Variants in COL22A1 observed in about 807,000 individuals in gnomAD.
The protein encoded by COL22A1 is collagen type XXII alpha 1 chain.
Under a neutral mutation model 248.9 loss-of-function variants are expected in COL22A1, and 221 were observed. That is an observed-to-expected ratio of 0.89 (90% CI 0.80 to 0.99). The LOEUF (loss-of-function observed/expected upper bound fraction) is 0.99. Ranked by LOEUF, COL22A1 falls within the 50% of genes least tolerant of loss-of-function variation. COL22A1 has a pLI of 0.00. For missense variants in COL22A1, 2,240 were observed against 2,179.0 expected (o/e 1.03, Z -0.56); for synonymous variants, 891 against 793.4 (o/e 1.12, Z -2.07).
chr8:138,662,050 G>C lies in COL22A1; in HGVS notation c.3220C>G (p.Gln1074Glu). 1.2e-6 allele frequency: 2 copies of C among 1,611,308 alleles called. No individual in the cohort carries two copies. The highest frequency in any genetic ancestry group is 1.1e-5 in the South Asian group (1 of 90,560). The stretch of plus-strand genomic sequence containing the variant: ...CTTACGTCCCGGCCGGCTGGGCCCT[G>C]GGGGCCAGGGAATCCAGGTAAGCCT... ...SRGLPGFPGP[Q>E]GPAGRDGAPG... is the part of the protein sequence containing the mutation. The change falls in exon 43 of 65, where the codon CAG becomes GAG. Residue 1074 changes from glutamine (Q) to glutamate (E), a missense_variant. Transcript: ENST00000303045.
intron 46 of COL22A1, 24 bp from the exon 47 acceptor site, chr8:138,646,706 A>C: frequency 6.5e-7 from 1 of 1,535,904 alleles, no homozygotes; most frequent in South Asian, 1.2e-5. Flanking sequence ...ACAAGAAAAA[A>C]AAAGAAAACA....
chr8:138,850,527 G>GC (rs1253269304), intron 3 of COL22A1, among the ~76,000 whole-genome samples: 3 of 152,168 alleles, frequency 2.0e-5, no homozygotes, highest in African/African-American at 2.4e-5. Context: ...GCACAGCTGG[G>GC]CCCTTCCTGA....
chr8:138,671,877 T>G (rs539935944), intron 41 of COL22A1, among the ~76,000 whole-genome samples: 2 of 152,306 alleles, frequency 1.3e-5, no homozygotes, highest in African/African-American at 4.8e-5. Flanking sequence ...TTTTCATAAC[T>G]TTTTTCTCTA....
At position 138,833,036 on chromosome 8, in the gene COL22A1, C is replaced by T; in HGVS notation, c.845+3G>A. 1.3e-6 allele frequency: 2 copies of T among 1,589,184 alleles called. No individual in the cohort carries two copies. The highest frequency in any genetic ancestry group is 1.7e-6 in the Non-Finnish European group (2 of 1,157,312). ...AGGTCTGGAAAGAGAAGTGGCCACTCACTCAGTACTTTGCACCACAGGGAA... is the reference window on the plus strand; with the variant it reads ...AGGTCTGGAAAGAGAAGTGGCCACTTACTCAGTACTTTGCACCACAGGGAA... On this transcript the variant is annotated splice_donor_region_variant and intron_variant, in intron 5 of 64. Coordinates refer to ENST00000303045, the MANE Select transcript of COL22A1 (RefSeq NM_152888.3).
chr8:138,615,712 G>T (rs2131906960), intron 55 of COL22A1, among the ~76,000 whole-genome samples: 1 of 152,152 alleles, frequency 6.6e-6, no homozygotes, highest in African/African-American at 2.4e-5. Flanking sequence ...GAGAAACTCT[G>T]AAATGCCTCT....
chr8:138,639,155 C>T (rs910875351), intron 47 of COL22A1, among the ~76,000 whole-genome samples: 1 of 152,154 alleles, frequency 6.6e-6, no homozygotes, highest in African/African-American at 2.4e-5. Context: ...AGTAAGTCTA[C>T]TCTCTGAGGT....
At chr8:138,783,946 G>C (rs1377655725) in intron 12 of COL22A1, among the ~76,000 whole-genome samples, 1 of 152,164 alleles carries the variant, frequency 6.6e-6, no homozygotes, top group Admixed American at 6.5e-5. Context: ...TCAGAGCCCA[G>C]AGCCCAGAGC....
rs200739923 is a variant in COL22A1 at position 138,826,670 on chromosome 8, G to A, written c.957C>T (p.Tyr319=). The A allele has an allele frequency of 3.3e-5, 53 of 1,613,744 alleles. No individual in the cohort carries two copies. The highest frequency in any genetic ancestry group is 7.7e-5 in the South Asian group (7 of 91,056). Residue 319 remains tyrosine (Y), a synonymous_variant, in exon 6 of 65, where the codon TAC becomes TAT. Coordinates refer to ENST00000303045, the MANE Select transcript of COL22A1 (RefSeq NM_152888.3). ...CTGCTGCCCTTACCTGTGGGATGCT[G>A]TACTGGTCGATGACCTGCCAGATAT... ...DWYIWQVIDQ[Y]SIPQVSIRLD...
chr8:138,635,000 G>T lies in COL22A1; in HGVS notation c.3609+10C>A, dbSNP rs1427129589. On this transcript the variant is annotated intron_variant, in intron 49 of 64. Transcript: ENST00000303045. Reference sequence around the variant, plus strand: ...GCCGAAAGAGGAGGGGATTAAAGATGATTACTTACTGGTGGCCCAGGGTTC... The same window carrying T: ...GCCGAAAGAGGAGGGGATTAAAGATTATTACTTACTGGTGGCCCAGGGTTC... 1 of 1,580,826 alleles carries T rather than the reference G, an allele frequency of 6.3e-7. No individual in the cohort carries two copies. Among genetic ancestry groups the T allele is most frequent in the South Asian group, 1.1e-5 (1 of 90,134 alleles).
chr8:138,859,087 A>T (rs1040757953), intron 3 of COL22A1, among the ~76,000 whole-genome samples: 1 of 152,182 alleles, frequency 6.6e-6, no homozygotes, highest in African/African-American at 2.4e-5. Flanking sequence ...TCATCCACAT[A>T]TCCTGCCTCT....
intron 35 of COL22A1, among the ~76,000 whole-genome samples, chr8:138,692,338 ATGTG>A (rs1191910519): frequency 1.3e-3 from 62 of 47,240 alleles, no homozygotes; most frequent in Middle Eastern, 0.013. Flanking sequence ...ATGTTTGTGG[ATGTG>A]TGTATGTGTG....
intron 16 of COL22A1, among the ~76,000 whole-genome samples, chr8:138,773,057 TA>T (rs1563743917): frequency 6.6e-6 from 1 of 152,112 alleles, no homozygotes. Context: ...ATATATTCTT[TA>T]AAAAACAAAC....
At chr8:138,770,725 G>A (rs910513098) in intron 16 of COL22A1, among the ~76,000 whole-genome samples, 1 of 152,182 alleles carries the variant, frequency 6.6e-6, no homozygotes, top group African/African-American at 2.4e-5. Context: ...TCGGCATCAC[G>A]CAACCCAGGC....
chr8:138,717,144 T>A (rs904331192), intron 27 of COL22A1, among the ~76,000 whole-genome samples: 10 of 152,080 alleles, frequency 6.6e-5, no homozygotes, highest in African/African-American at 1.2e-4. Flanking sequence ...TTTTTAATTT[T>A]TTTTTATTTT....
intron 1 of COL22A1, among the ~76,000 whole-genome samples, chr8:138,906,873 G>A (rs963526723): frequency 3.3e-5 from 5 of 152,076 alleles, no homozygotes; most frequent in Admixed American, 1.3e-4. Flanking sequence ...GGCTGGTCTC[G>A]AACTCCTGAC....
At chr8:138,692,976 C>T (rs760780088) in intron 35 of COL22A1, among the ~76,000 whole-genome samples, 17 of 152,242 alleles carry the variant, frequency 1.1e-4, no homozygotes, top group South Asian at 6.2e-4. Context: ...GCAGACCAGA[C>T]GTGTGCTGCT....
chr8:138,698,167 G>A (rs1398668406), intron 32 of COL22A1, among the ~76,000 whole-genome samples: 1 of 152,186 alleles, frequency 6.6e-6, no homozygotes, highest in East Asian at 1.9e-4. Flanking sequence ...CAGATGTCAG[G>A]GGCAGGGGGA....
At chr8:138,892,374 G>A (rs1444792250) in intron 1 of COL22A1, among the ~76,000 whole-genome samples, 1 of 152,148 alleles carries the variant, frequency 6.6e-6, no homozygotes, top group Non-Finnish European at 1.5e-5. Context: ...TCTATCAGGG[G>A]GTATGGTAAG....
intron 10 of COL22A1, among the ~76,000 whole-genome samples, chr8:138,806,032 G>GTA (rs1563788005): frequency 1.2e-3 from 73 of 58,980 alleles, no homozygotes; most frequent in African/African-American, 2.0e-3. Context: ...GTGTGTGGTT[G>GTA]TGTGTGTGAT....
Sources: gnomAD v4.1 joint callset for allele counts (sites outside exome capture counted in the v4.1 genomes callset) on GRCh38, gnomAD v4.1.1 for gene constraint, MANE v1.5 for transcripts, NCBI Gene and HGNC (gene_info 2026-07-23, HGNC 2026-07-21) for gene names.